Variants in DST observed in about 807,000 individuals in gnomAD.
The protein encoded by DST is bullous pemphigoid antigen.
A neutral mutation model predicts 875.2 loss-of-function variants in DST; 253 were observed. The observed-to-expected ratio is 0.29, with a 90% CI of 0.26 to 0.32. The LOEUF (loss-of-function observed/expected upper bound fraction) is 0.32. DST is among the 10% of genes least tolerant of loss of function. The pLI is 1.00. For missense variants in DST, 8,287 were observed against 9,111.6 expected (o/e 0.91, Z 3.68); for synonymous variants, 3,124 against 3,197.1 (o/e 0.98, Z 0.77).
At chr6:56,628,280 A>G in intron 32 of DST, 119 bp from the exon 33 acceptor site, 1 of 870,546 alleles carries the variant, frequency 1.1e-6, no homozygotes, top group Non-Finnish European at 1.9e-6. Flanking sequence ...CAAGACGGGT[A>G]TGTATAAAGA....
rs917106158 is a variant in DST, at chr6:56,885,277, G to C, written c.417+15144C>G. Among the ~76,000 whole-genome samples the C allele has an allele frequency of 4.6e-5, 7 of 152,266 alleles. No homozygotes were observed. In the East Asian group the frequency reaches 1.4e-3, roughly 29 times the overall value. On this transcript the variant is annotated intron_variant, in intron 3 of 103. Coordinates refer to ENST00000680361, the MANE Select transcript of DST (RefSeq NM_001374736.1). ...GACTGACTGAGGTGAAGGACAAAAGGCTTGGCTTCAAGTTGAGACTAACTC... is the reference window on the plus strand; with the variant it reads ...GACTGACTGAGGTGAAGGACAAAAGCCTTGGCTTCAAGTTGAGACTAACTC...
chr6:56,784,404 C>G (rs1564163693), intron 4 of DST, among the ~76,000 whole-genome samples: 3 of 152,208 alleles, frequency 2.0e-5, no homozygotes, highest in Admixed American at 6.5e-5. Flanking sequence ...TCCCATATTT[C>G]TTGGAGGCTT....
At position 56,560,434 on chromosome 6, in the gene DST, A is replaced by G. The variant is rs2097519636; in HGVS notation, c.14311-11T>C. 1 of 1,580,742 alleles carries G rather than the reference A, an allele frequency of 6.3e-7. No individual in the cohort carries two copies. The highest frequency in any genetic ancestry group is 8.6e-7 in the Non-Finnish European group (1 of 1,160,834). On this transcript the variant is annotated splice_polypyrimidine_tract_variant and intron_variant, in intron 57 of 103. Transcript: ENST00000680361. ...TTCTGCCTCAAACGACTAACAAGGG[A>G]AAAATAATAATAAATCATGTGTACA...
chr6:56,764,097 G>GCACA (rs57134689), intron 4 of DST, among the ~76,000 whole-genome samples: 28,947 of 141,706 alleles, frequency 0.2, 3,030 homozygotes, highest in Middle Eastern at 0.24. Flanking sequence ...AAGTGCACAT[G>GCACA]CACACACACA....
chr6:56,486,039 G>T (rs1336323187), intron 87 of DST, among the ~76,000 whole-genome samples: 2 of 152,084 alleles, frequency 1.3e-5, no homozygotes, highest in African/African-American at 4.8e-5. Flanking sequence ...ACTGGAAAAG[G>T]TATGTAACAT....
At chr6:56,711,506 C>A (rs1388495408) in intron 5 of DST, among the ~76,000 whole-genome samples, 1 of 152,050 alleles carries the variant, frequency 6.6e-6, no homozygotes, top group African/African-American at 2.4e-5. Flanking sequence ...TTCCCCTGAA[C>A]CTGTAGATTT....
At chr6:56,820,396 A>C (rs2099771755) in intron 4 of DST, among the ~76,000 whole-genome samples, 1 of 152,212 alleles carries the variant, frequency 6.6e-6, no homozygotes, top group Non-Finnish European at 1.5e-5. Context: ...TTGTTAAGCA[A>C]AGCCTTCATT....
At chr6:56,755,092 T>C (rs529869960) in intron 4 of DST, among the ~76,000 whole-genome samples, 3 of 151,084 alleles carry the variant, frequency 2.0e-5, no homozygotes, top group South Asian at 2.1e-4. Flanking sequence ...ATAAAGTATA[T>C]ATTCCTTGCC....
intron 49 of DST, among the ~76,000 whole-genome samples, chr6:56,589,190 T>C (rs370182483): frequency 7.6e-4 from 115 of 152,308 alleles, no homozygotes; most frequent in African/African-American, 2.6e-3. Flanking sequence ...TATTAGAATA[T>C]CCAATACCAA....
chr6:56,952,028 C>A (rs1229149263), intron 2 of DST, among the ~76,000 whole-genome samples: 1 of 152,068 alleles, frequency 6.6e-6, no homozygotes, highest in Non-Finnish European at 1.5e-5. Context: ...GTATACAAGG[C>A]ACTGAGCCAA....
intron 4 of DST, among the ~76,000 whole-genome samples, chr6:56,745,635 A>T (rs969338737): frequency 3.3e-5 from 5 of 152,226 alleles, no homozygotes; most frequent in African/African-American, 1.2e-4. Flanking sequence ...AACCACTGAT[A>T]TAACAGCAGA....
At chr6:56,625,388 GATC>G (rs1209044394) in intron 34 of DST, 124 bp from the exon 35 acceptor site, 2 of 694,974 alleles carry the variant, frequency 2.9e-6, no homozygotes, top group Non-Finnish European at 5.1e-6. Flanking sequence ...ATTTGACACA[GATC>G]ATTAGAACCT....
intron 41 of DST, 66 bp downstream of exon 41, chr6:56,603,498 T>G: frequency 6.3e-7 from 1 of 1,588,638 alleles, no homozygotes; most frequent in East Asian, 2.2e-5. Context: ...AGAAGTGTTC[T>G]GCTTCTTTTT....
At chr6:56,843,631 C>G in intron 4 of DST, 1 of 983,970 alleles carries the variant, frequency 1.0e-6, no homozygotes, top group Non-Finnish European at 1.2e-6. Context: ...ACCGGGGATG[C>G]TGCGCGGCGC....
intron 5 of DST, among the ~76,000 whole-genome samples, chr6:56,716,301 T>C (rs1215434940): frequency 6.6e-6 from 1 of 152,204 alleles, no homozygotes; most frequent in Non-Finnish European, 1.5e-5. Flanking sequence ...GGCAATTCAG[T>C]GGAGAAAGGA....
intron 4 of DST, among the ~76,000 whole-genome samples, chr6:56,752,732 T>C (rs2152953659): frequency 6.6e-6 from 1 of 152,366 alleles, no homozygotes; most frequent in African/African-American, 2.4e-5. Context: ...CTAAGGCTGT[T>C]TGGACACTTT....
At chr6:56,870,038 A>G (rs112756601) in intron 3 of DST, among the ~76,000 whole-genome samples, 5,769 of 151,994 alleles carry the variant, frequency 0.038, 369 homozygotes, top group African/African-American at 0.13. Context: ...TATCCACTCT[A>G]GAGAAATGTA....
chr6:56,665,479 T>C (rs1021342082), intron 10 of DST, among the ~76,000 whole-genome samples: 1 of 152,112 alleles, frequency 6.6e-6, no homozygotes, highest in African/African-American at 2.4e-5. Context: ...GTTGTTCTGA[T>C]CAACAGTTCC....
intron 2 of DST, among the ~76,000 whole-genome samples, chr6:56,934,130 T>C (rs927157262): frequency 6.6e-6 from 1 of 152,062 alleles, no homozygotes; most frequent in Non-Finnish European, 1.5e-5. Context: ...GCCTCCTAAG[T>C]AGAACATTTT....
Sources: allele counts gnomAD v4.1 joint callset (sites outside exome capture counted in the v4.1 genomes callset), GRCh38; gene constraint gnomAD v4.1.1; transcripts MANE v1.5; gene names NCBI Gene and HGNC (gene_info 2026-07-23, HGNC 2026-07-21).